ACADM: variants seen among roughly 807,000 people sequenced by gnomAD.
ACADM encodes acyl-CoA dehydrogenase medium chain.
ACADM carries 49 observed loss-of-function variants against 58.9 expected under a neutral mutation model. The observed-to-expected ratio is 0.83, with a 90% CI of 0.66 to 1.06. The LOEUF is 1.06. ACADM is among the 50% of genes least tolerant of loss of function. ACADM has a pLI of 0.00. For missense variants in ACADM, 496 were observed against 507.0 expected (o/e 0.98, Z 0.21); for synonymous variants, 160 against 157.7 (o/e 1.01, Z -0.11).
intron 10 of ACADM, among the ~76,000 whole-genome samples, chr1:75,757,850 A>T (rs1648596459): frequency 6.6e-6 from 1 of 152,176 alleles, no homozygotes; most frequent in South Asian, 2.1e-4. Context: ...CAGAGATAGC[A>T]TCAGATCCCA....
intron 8 of ACADM, among the ~76,000 whole-genome samples, chr1:75,748,011 A>G (rs1647988093): frequency 6.6e-6 from 1 of 152,208 alleles, no homozygotes; most frequent in Non-Finnish European, 1.5e-5. Context: ...CAAACTCAGA[A>G]GCAGACTATT....
intron 8 of ACADM, among the ~76,000 whole-genome samples, chr1:75,746,768 T>G (rs967616923): frequency 2.0e-5 from 3 of 151,908 alleles, no homozygotes; most frequent in Non-Finnish European, 4.4e-5. Flanking sequence ...CTGGCTAATT[T>G]TTGTATTTTT....
rs1057520215 is a variant in ACADM, at chr1:75,750,467, T to C, written c.866T>C (p.Val289Ala). Residue 289 changes from valine (V) to alanine (A), a missense_variant, in exon 10 of 12, where the codon GTT (valine) becomes GCT (alanine). Physicochemically the swap from Val to Ala is moderately conservative, Grantham distance 64 (BLOSUM62 0). Coordinates refer to ENST00000370841, the MANE Select transcript of ACADM (RefSeq NM_000016.6). ...AAATACTAGGTAGCTGCTGGTGCTG[T>C]TGGATTAGCACAAAGAGCTTTGGAT... ...KTRPVVAAGAVGLAQRALDEA... is the reference protein window; with the variant it reads ...KTRPVVAAGAAGLAQRALDEA... 1.4e-5 allele frequency: 22 copies of C among 1,611,762 alleles called. No individual in the cohort carries two copies. The highest frequency in any genetic ancestry group is 1.9e-5 in the Non-Finnish European group (22 of 1,179,466).
At chr1:75,750,037 A>C (rs933008981) in intron 9 of ACADM, among the ~76,000 whole-genome samples, 4 of 152,032 alleles carry the variant, frequency 2.6e-5, no homozygotes, top group Non-Finnish European at 4.4e-5. Context: ...TAATTTTTTA[A>C]ATAATTCTTC....
chr1:75,743,676 A>AC, intron 7 of ACADM: 1 of 1,459,910 alleles, frequency 6.8e-7, no homozygotes, highest in South Asian at 1.1e-5. Flanking sequence ...TGGTGAAGGT[A>AC]CCACCATCCA....
At chr1:75,759,026 C>T (rs940854580) in intron 10 of ACADM, among the ~76,000 whole-genome samples, 3 of 152,160 alleles carry the variant, frequency 2.0e-5, no homozygotes, top group East Asian at 1.9e-4. Context: ...CACGGAGGTC[C>T]GCGGCTTCAT....
At chr1:75,755,728 C>G (rs1648469688) in intron 10 of ACADM, among the ~76,000 whole-genome samples, 1 of 152,204 alleles carries the variant, frequency 6.6e-6, no homozygotes, top group African/African-American at 2.4e-5. Flanking sequence ...GAATGCAGCT[C>G]CTCGCCAGCA....
chr1:75,761,443 TA>T (rs775130912), intron 11 of ACADM, 73 bp downstream of exon 11: 1 of 1,550,558 alleles, frequency 6.4e-7, no homozygotes, highest in Non-Finnish European at 8.9e-7. Context: ...GATTTCTGAT[TA>T]TTTAGAAATT....
In ACADM at chr1:75,749,798, C is replaced by G. The variant is rs554321985; in HGVS notation, c.849+239C>G. 6.8e-5 allele frequency among the ~76,000 whole-genome samples: 10 copies of G among 146,874 alleles called. No individual in the cohort carries two copies. The East Asian group carries it at 2.0e-3, about 30-fold the overall frequency. ...TGCAATCTCAGCTCATTGCAACCTT[C>G]ACGTCCTGGGTTCAAGAGATTCTCC... On this transcript the variant is annotated intron_variant, in intron 9 of 11. Coordinates refer to ENST00000370841, the MANE Select transcript of ACADM (RefSeq NM_000016.6).
chr1:75,750,657 A>G (rs1320344799), intron 10 of ACADM, 111 bp downstream of exon 10: 2 of 786,536 alleles, frequency 2.5e-6, no homozygotes, highest in Admixed American at 4.0e-5. Flanking sequence ...TGATAGCAAG[A>G]AGATAATGTG....
chr1:75,750,432 T>TAATATCTTA lies in ACADM; in HGVS notation c.850-16_850-8dup. 3 of 1,587,676 alleles carry TAATATCTTA rather than the reference T, an allele frequency of 1.9e-6. No individual in the cohort carries two copies. Among genetic ancestry groups the TAATATCTTA allele is most frequent in the East Asian group, 4.5e-5 (2 of 44,618 alleles). ...AAAGATAACATGAACTTTTGCTTTATAATATCTTAAAATACTAGGTAGCTG... is the reference window on the plus strand; with the variant it reads ...AAAGATAACATGAACTTTTGCTTTATAATATCTTAAATATCTTAAAATACTAGGTAGCTG... On this transcript the variant is annotated intron_variant, in intron 9 of 11. Transcript: ENST00000370841.
intron 8 of ACADM, among the ~76,000 whole-genome samples, chr1:75,747,135 G>A (rs953837847): frequency 6.6e-6 from 1 of 152,132 alleles, no homozygotes; most frequent in Admixed American, 6.5e-5. Context: ...CTGTCTTAGG[G>A]ATAGTTGCTA....
At chr1:75,734,330 A>ATT (rs35823639) in intron 5 of ACADM, among the ~76,000 whole-genome samples, 4 of 133,376 alleles carry the variant, frequency 3.0e-5, no homozygotes, top group Admixed American at 7.6e-5. Context: ...TGCCCGGCTA[A>ATT]TTTTTTTTTT....
intron 7 of ACADM, chr1:75,743,719 TTC>T: frequency 6.6e-7 from 1 of 1,509,198 alleles, no homozygotes; most frequent in African/African-American, 1.4e-5. Context: ...CTTTCGGGCC[TTC>T]TCTCCCAGTT....
intron 10 of ACADM, among the ~76,000 whole-genome samples, chr1:75,759,729 T>G (rs148809686): frequency 0.019 from 2,908 of 150,404 alleles, 114 homozygotes; most frequent in African/African-American, 0.066. Flanking sequence ...TGGTGTGATC[T>G]TGGCTCACCA....
intron 11 of ACADM, 29 bp from the exon 12 acceptor site, chr1:75,762,663 T>C (rs1557467939): frequency 7.2e-7 from 1 of 1,380,880 alleles, no homozygotes; most frequent in Non-Finnish European, 1.0e-6. Flanking sequence ...ACTAAAGATA[T>C]TTAACCTACA....
chr1:75,737,928 A>T (rs957623579), intron 6 of ACADM, among the ~76,000 whole-genome samples: 4 of 151,658 alleles, frequency 2.6e-5, no homozygotes, highest in Admixed American at 1.3e-4. Context: ...TTATTTATTT[A>T]TTTTTTGAGA....
chr1:75,738,064 G>A (rs998064709), intron 6 of ACADM, among the ~76,000 whole-genome samples: 9 of 150,502 alleles, frequency 6.0e-5, no homozygotes, highest in East Asian at 5.9e-4. Flanking sequence ...CTACAGGTGC[G>A]TGCCACCACG....
chr1:75,736,986 A>G (rs1146574), intron 6 of ACADM, among the ~76,000 whole-genome samples: 56,810 of 151,764 alleles, frequency 0.37, 11,661 homozygotes, highest in African/African-American at 0.55. Flanking sequence ...TGCTGTAACA[A>G]TACTGCATAA....
Sources: gnomAD v4.1 joint callset for allele counts (sites outside exome capture counted in the v4.1 genomes callset) on GRCh38, gnomAD v4.1.1 for gene constraint, MANE v1.5 for transcripts, NCBI Gene and HGNC (gene_info 2026-07-23, HGNC 2026-07-21) for gene names.